Variants in UNC13C observed in about 807,000 individuals in gnomAD.
UNC13C encodes unc-13 homolog C, also known as protein unc-13 homolog C.
A neutral mutation model predicts 245.4 loss-of-function variants in UNC13C; 174 were observed. That is an observed-to-expected ratio of 0.71 (90% confidence interval 0.63 to 0.80). UNC13C has a LOEUF of 0.80. Ranked by LOEUF, UNC13C falls within the 30% of genes least tolerant of loss-of-function variation. The pLI, the probability that UNC13C is intolerant of heterozygous loss-of-function variation, is 0.00. For missense variants in UNC13C, 2,829 were observed against 2,602.9 expected (o/e 1.09, Z -1.89); for synonymous variants, 992 against 895.1 (o/e 1.11, Z -1.93).
chr15:54,028,705 T>TTTTG (rs1555405205), intron 2 of UNC13C, among the ~76,000 whole-genome samples: 2 of 147,570 alleles, frequency 1.4e-5, no homozygotes, highest in African/African-American at 5.0e-5. Context: ...TTTTTTTTTT[T>TTTTG]GAGACGGAGT....
At chr15:54,539,369 AAGG>A (rs1415728490) in intron 26 of UNC13C, among the ~76,000 whole-genome samples, 1 of 151,896 alleles carries the variant, frequency 6.6e-6, no homozygotes, top group African/African-American at 2.4e-5. Flanking sequence ...AAGCAGAAGA[AAGG>A]AGAGAGGAAA....
Position 54,601,821 on chromosome 15 carries a change from CAT to C in UNC13C, c.6107-20505_6107-20504del, listed in dbSNP as rs1899445835. On this transcript the variant is annotated intron_variant, in intron 30 of 32. Coordinates refer to ENST00000260323, the MANE Select transcript of UNC13C (RefSeq NM_001080534.3). ...AGGGTGACTGCCATTCACTTAAGAA[CAT>C]GTTTCTCCTCAAAGTGGAAATGCAG... Among the ~76,000 whole-genome samples the C allele has an allele frequency of 2.0e-5, 3 of 152,244 alleles. No homozygotes were observed. The South Asian group carries it at 6.2e-4, about 32-fold the overall frequency.
Position 54,015,473 on chromosome 15 carries a change from A to G in UNC13C, c.2570A>G (p.Tyr857Cys), listed in dbSNP as rs1895607481. 6.2e-7 allele frequency: 1 copy of G among 1,613,454 alleles called. No homozygotes were observed. The highest frequency in any genetic ancestry group is 8.5e-7 in the Non-Finnish European group (1 of 1,179,628). The change falls in exon 2 of 33, where the codon TAT (tyrosine) becomes TGT (cysteine). Residue 857 changes from tyrosine (Y) to cysteine (C), a missense_variant. By Grantham distance (194) the Tyr-to-Cys change is radical. Transcript: ENST00000260323. ...GACTCTGATGTCTACACGGAGCCCTATTACTATAAAGCAGAGGATGAGGAA... is the reference window on the plus strand; with the variant it reads ...GACTCTGATGTCTACACGGAGCCCTGTTACTATAAAGCAGAGGATGAGGAA... The part of the protein sequence containing the change: ...TLDSDVYTEP[Y>C]YYKAEDEEDY...
At chr15:54,282,366 C>T (rs1285695639) in intron 10 of UNC13C, among the ~76,000 whole-genome samples, 4 of 152,068 alleles carry the variant, frequency 2.6e-5, no homozygotes, top group African/African-American at 7.2e-5. Context: ...GTAGAAGGGG[C>T]GCCCTCTCTA....
chr15:54,355,754 T>C (rs990319177), intron 17 of UNC13C, among the ~76,000 whole-genome samples: 1 of 152,078 alleles, frequency 6.6e-6, no homozygotes, highest in African/African-American at 2.4e-5. Context: ...AAGTATAAAG[T>C]AAAAATTATC....
At chr15:54,054,870 G>A (rs1325328028) in intron 2 of UNC13C, among the ~76,000 whole-genome samples, 1 of 151,986 alleles carries the variant, frequency 6.6e-6, no homozygotes, top group East Asian at 1.9e-4. Context: ...AAATGGAGTC[G>A]ACTTTGATGC....
At chr15:54,193,616 T>A (rs1018756335) in intron 4 of UNC13C, among the ~76,000 whole-genome samples, 1 of 152,106 alleles carries the variant, frequency 6.6e-6, no homozygotes, top group East Asian at 1.9e-4. Context: ...ACTCTGCCAT[T>A]CTGTTTTACT....
chr15:54,047,166 C>T (rs955115875), intron 2 of UNC13C, among the ~76,000 whole-genome samples: 15 of 152,014 alleles, frequency 9.9e-5, no homozygotes, highest in Admixed American at 9.8e-4. Flanking sequence ...ATTCAGACTT[C>T]AGGGCCTATT....
intron 4 of UNC13C, among the ~76,000 whole-genome samples, chr15:54,199,005 G>A (rs898510161): frequency 5.1e-4 from 77 of 151,816 alleles, no homozygotes; most frequent in African/African-American, 1.8e-3. Flanking sequence ...AACAATTACA[G>A]CTTCTGGAAA....
At chr15:54,387,378 C>T (rs983965168) in intron 17 of UNC13C, among the ~76,000 whole-genome samples, 1 of 152,126 alleles carries the variant, frequency 6.6e-6, no homozygotes, top group Non-Finnish European at 1.5e-5. Flanking sequence ...AACTTCCAGG[C>T]ATTGCCATGG....
chr15:53,978,045 A>G (rs186161971), upstream of UNC13C, among the ~76,000 whole-genome samples: 198 of 152,336 alleles, frequency 1.3e-3, 2 homozygotes, highest in Admixed American at 0.011. Flanking sequence ...CTAATAGGGA[A>G]TGATACTGTG....
chr15:54,036,208 A>G (rs1896571972), intron 2 of UNC13C, among the ~76,000 whole-genome samples: 1 of 152,140 alleles, frequency 6.6e-6, no homozygotes, highest in South Asian at 2.1e-4. Flanking sequence ...TTTCCCTGGC[A>G]CCCTAATATG....
chr15:53,903,545 C>A, the UNC13C span, among the ~76,000 whole-genome samples: 3 of 152,184 alleles, frequency 2.0e-5, no homozygotes, highest in Admixed American at 1.3e-4. Context: ...CCAATTAGAT[C>A]ATTTTGTCCT....
the UNC13C span, among the ~76,000 whole-genome samples, chr15:53,848,786 A>G: frequency 6.6e-6 from 1 of 152,162 alleles, no homozygotes; most frequent in Non-Finnish European, 1.5e-5. Context: ...TTCTGTGTTT[A>G]CATCTTTTAC....
At chr15:53,841,152 C>T in the UNC13C span, among the ~76,000 whole-genome samples, 5,547 of 152,036 alleles carry the variant, frequency 0.036, 145 homozygotes, top group Admixed American at 0.087. Flanking sequence ...TTCCAAGAAC[C>T]TTAGAAAATT....
chr15:54,495,925 A>C (rs1893930437), intron 20 of UNC13C, among the ~76,000 whole-genome samples: 1 of 151,960 alleles, frequency 6.6e-6, no homozygotes, highest in South Asian at 2.1e-4. Context: ...ACTATGGGGT[A>C]TAGGGTGTTG....
chr15:54,126,707 A>C (rs1427367942), intron 2 of UNC13C, among the ~76,000 whole-genome samples: 1 of 152,196 alleles, frequency 6.6e-6, no homozygotes, highest in Non-Finnish European at 1.5e-5. Flanking sequence ...AAATTGACAA[A>C]TAGGATCTAA....
At chr15:54,595,362 C>G (rs1475513510) in intron 30 of UNC13C, among the ~76,000 whole-genome samples, 1 of 152,118 alleles carries the variant, frequency 6.6e-6, no homozygotes, top group Non-Finnish European at 1.5e-5. Context: ...CCCAGAAACT[C>G]TCTTTCCCAC....
At chr15:54,133,208 T>C (rs1233718417) in intron 2 of UNC13C, among the ~76,000 whole-genome samples, 2 of 152,142 alleles carry the variant, frequency 1.3e-5, no homozygotes, top group Non-Finnish European at 2.9e-5. Context: ...TACTTATATA[T>C]GAAGGAAAAC....
Sources: gnomAD v4.1 joint callset for allele counts (sites outside exome capture counted in the v4.1 genomes callset) on GRCh38, gnomAD v4.1.1 for gene constraint, MANE v1.5 for transcripts, NCBI Gene and HGNC (gene_info 2026-07-23, HGNC 2026-07-21) for gene names.